The following DST variants were observed in gnomAD, a reference collection of about 807,000 sequenced individuals.
The protein encoded by DST is dystonin.
A neutral mutation model predicts 875.2 loss-of-function variants in DST; 253 were observed. That is an observed-to-expected ratio of 0.29 (90% CI 0.26 to 0.32). The LOEUF (loss-of-function observed/expected upper bound fraction) is 0.32. Among genes scored for constraint, DST ranks in the 10% least tolerant of loss-of-function variants. The pLI is 1.00. For missense variants in DST, 8,287 were observed against 9,111.6 expected, an observed-to-expected ratio of 0.91 and a Z score of 3.68; for synonymous variants, 3,124 against 3,197.1, an observed-to-expected ratio of 0.98 and a Z score of 0.77.
intron 44 of DST, among the ~76,000 whole-genome samples, chr6:56,600,977 C>T (rs977384100): frequency 3.3e-5 from 5 of 151,950 alleles, no homozygotes; most frequent in Admixed American, 3.3e-4. Flanking sequence ...TCCAATCTAC[C>T]AATGATTAAA....
chr6:56,463,864 C>T (rs773608694), intron 100 of DST, 100 bp from the exon 101 acceptor site: 14 of 1,221,770 alleles, frequency 1.1e-5, no homozygotes, highest in South Asian at 4.8e-5. Context: ...CCAGAGATCA[C>T]GTTGAGAATT....
intron 36 of DST, among the ~76,000 whole-genome samples, chr6:56,621,645 T>C (rs990476157): frequency 2.0e-5 from 3 of 152,182 alleles, no homozygotes; most frequent in South Asian, 4.1e-4. Flanking sequence ...ACAGAATCAA[T>C]GTCAGCTGGG....
chr6:56,660,627 GA>G (rs1309294176), intron 10 of DST, among the ~76,000 whole-genome samples: 1,308 of 111,322 alleles, frequency 0.012, 13 homozygotes, highest in African/African-American at 0.037. Flanking sequence ...AAAAAAAAAA[GA>G]AAAAAAAAAA....
chr6:56,839,497 A>G (rs1018276996), intron 4 of DST, among the ~76,000 whole-genome samples: 24 of 152,220 alleles, frequency 1.6e-4, no homozygotes, highest in Non-Finnish European at 3.4e-4. Context: ...TTATTATATA[A>G]CTATTAACCT....
At chr6:56,844,518 G>A (rs1292118284) in intron 4 of DST, among the ~76,000 whole-genome samples, 1 of 152,176 alleles carries the variant, frequency 6.6e-6, no homozygotes, top group African/African-American at 2.4e-5. Context: ...TACTAAAGTG[G>A]GTGAGTTTAA....
chr6:56,474,359 C>T (rs1256084289), intron 92 of DST: 1 of 174,528 alleles, frequency 5.7e-6, no homozygotes, highest in African/African-American at 2.4e-5. Context: ...TGGTGCACGC[C>T]TGTAGTCCCA....
chr6:56,889,939 T>C (rs570759204), intron 3 of DST, among the ~76,000 whole-genome samples: 1 of 152,348 alleles, frequency 6.6e-6, no homozygotes, highest in East Asian at 1.9e-4. Flanking sequence ...ATTTTAAAGA[T>C]AGGTTTTAAT....
At chr6:56,529,248 A>C (rs1024166296) in intron 66 of DST, among the ~76,000 whole-genome samples, 200 bp downstream of exon 66, 5 of 152,216 alleles carry the variant, frequency 3.3e-5, no homozygotes, top group African/African-American at 1.2e-4. Context: ...CAAAATGAAA[A>C]GTGAAATATC....
chr6:56,639,405 A>T (rs1271284878), intron 21 of DST, 42 bp from the exon 22 acceptor site: 1 of 1,613,058 alleles, frequency 6.2e-7, no homozygotes, highest in Admixed American at 1.7e-5. Flanking sequence ...AAATATATAA[A>T]CCTAAAATGC....
intron 2 of DST, among the ~76,000 whole-genome samples, chr6:56,953,413 C>G (rs948998280): frequency 4.6e-5 from 7 of 152,238 alleles, no homozygotes; most frequent in Non-Finnish European, 1.0e-4. Context: ...TTGTTCTGCA[C>G]TAACCTCTTC....
chr6:56,763,684 TACACACACACACACACACACACAC>T (rs553580754), intron 4 of DST, among the ~76,000 whole-genome samples: 2 of 117,068 alleles, frequency 1.7e-5, no homozygotes, highest in Admixed American at 9.0e-5. Flanking sequence ...AAAATACCTA[TACACACACACACACACACACACAC>T]ACACACACAC....
chr6:56,706,049 C>T (rs915001899), intron 5 of DST, among the ~76,000 whole-genome samples: 2 of 152,196 alleles, frequency 1.3e-5, no homozygotes, highest in Non-Finnish European at 2.9e-5. Context: ...GTGGCTCACA[C>T]CTGTACTTCC....
At position 56,552,233 on chromosome 6, in the gene DST, G is replaced by C; in HGVS notation, c.16559C>G (p.Pro5520Arg). The C allele has an allele frequency of 1.2e-6, 2 of 1,613,880 alleles. No individual in the cohort carries two copies. Among genetic ancestry groups the C allele is most frequent in the Middle Eastern group, 3.3e-4 (2 of 6,060 alleles). The change falls in exon 61 of 104, where the codon CCT becomes CGT. Residue 5520 changes from proline (P) to arginine (R), a missense_variant. Coordinates refer to ENST00000680361, the MANE Select transcript of DST (RefSeq NM_001374736.1). Reference protein sequence around the residue: ...KAEEHEESQGPVGMETETINQ... With the variant: ...KAEEHEESQGRVGMETETINQ... The stretch of plus-strand genomic sequence containing the variant: ...AATTGTCTCCGTTTCCATACCAACA[G>C]GACCTTGTGACTCTTCATGTTCTTC...
intron 36 of DST, among the ~76,000 whole-genome samples, chr6:56,622,095 G>A (rs2098694838): frequency 6.6e-6 from 1 of 152,112 alleles, no homozygotes; most frequent in Non-Finnish European, 1.5e-5. Flanking sequence ...TAAGTTTTCA[G>A]TATTTCTTGA....
At chr6:56,797,472 A>G (rs976115944) in intron 4 of DST, among the ~76,000 whole-genome samples, 4 of 152,210 alleles carry the variant, frequency 2.6e-5, no homozygotes, top group Non-Finnish European at 4.4e-5. Flanking sequence ...GGCCAAAAGC[A>G]AGGCCTCTTG....
In DST at chr6:56,763,772, T is replaced by G. The variant is rs2099625028; in HGVS notation, c.626-28483A>C. The stretch of plus-strand genomic sequence containing the variant: ...GGGGGAGAAAACCAAAGGATGTGCC[T>G]AGCAAATTACCATTTGTCTTGAGGA... On this transcript the variant is annotated intron_variant, in intron 4 of 103. Coordinates refer to ENST00000680361, the MANE Select transcript of DST (RefSeq NM_001374736.1). Among the ~76,000 whole-genome samples, 2 of 148,468 alleles carry G rather than the reference T, an allele frequency of 1.3e-5. 1 individual carries two copies. Among genetic ancestry groups the G allele is most frequent in the South Asian group, 4.3e-4 (2 of 4,640 alleles).
At position 56,640,601 on chromosome 6, in the gene DST, C is replaced by A. The variant is rs770926127; in HGVS notation, c.2032G>T (p.Ala678Ser). The A allele has an allele frequency of 1.2e-6, 2 of 1,613,716 alleles. No individual in the cohort carries two copies. Among genetic ancestry groups the A allele is most frequent in the Non-Finnish European group, 1.7e-6 (2 of 1,179,812 alleles). ...GCCATAATTTCGTCACGCAGTTTTG[C>A]AACCCTGAAAAGAAAATCCAAAGGG... The part of the protein sequence containing the change: ...YQADQLVQRV[A>S]KLRDEIMALR... Residue 678 changes from alanine to serine, a missense_variant, in exon 18 of 104, where the codon GCA (alanine) becomes TCA (serine). Ala to Ser is a moderately conservative substitution (Grantham distance 99, BLOSUM62 1). This residue lies in a region of DST where 1,160 missense variants were observed against 1,424.3 expected (regional missense o/e 0.81). Coordinates refer to ENST00000680361, the MANE Select transcript of DST (RefSeq NM_001374736.1).
At chr6:56,926,199 G>A (rs1055251690) in intron 2 of DST, among the ~76,000 whole-genome samples, 2 of 151,964 alleles carry the variant, frequency 1.3e-5, no homozygotes, top group African/African-American at 4.8e-5. Context: ...AGTTCCTACA[G>A]AGTCCATTTA....
rs142119139 is a variant in DST at position 56,530,350 on chromosome 6, C to A, written c.17109-217G>T. Among the ~76,000 whole-genome samples the A allele has an allele frequency of 7.9e-5, 12 of 152,272 alleles. No homozygotes were observed. In the East Asian group the frequency reaches 2.3e-3, roughly 29 times the overall value. ...ACAGATCATCCTCAAGTTCCTGAAT[C>A]TCATGAAAGTCTGAAGTAATCTTCT... On this transcript the variant is annotated intron_variant, in intron 64 of 103. Coordinates refer to ENST00000680361, the MANE Select transcript of DST (RefSeq NM_001374736.1).
Sources: allele counts gnomAD v4.1 joint callset (sites outside exome capture counted in the v4.1 genomes callset), GRCh38; gene constraint gnomAD v4.1.1; regional missense constraint gnomAD v4.1.1; transcripts MANE v1.5; gene names NCBI Gene and HGNC (gene_info 2026-07-23, HGNC 2026-07-21).